RAB38: variants seen among roughly 807,000 people sequenced by gnomAD.
RAB38 encodes the protein ras-related protein Rab-38.
RAB38 carries 15 observed loss-of-function variants against 18.4 expected under a neutral mutation model. The ratio of observed to expected loss-of-function variants is 0.82; its 90% CI spans 0.55 to 1.26. RAB38 has a LOEUF of 1.26. RAB38 is among the 50% of genes most tolerant of loss of function. The pLI is 0.00. For synonymous variants in RAB38, 101 were observed against 104.4 expected (o/e 0.97, Z 0.20); for missense variants, 294 against 267.4 (o/e 1.10, Z -0.69).
the RAB38 span, among the ~76,000 whole-genome samples, chr11:87,977,753 A>ATATATTATATTATAGT: frequency 6.0e-5 from 5 of 82,684 alleles, no homozygotes; most frequent in African/African-American, 2.3e-4. Flanking sequence ...TCTATAATAT[A>ATATATTATATTATAGT]TATATATTAT....
the RAB38 span, among the ~76,000 whole-genome samples, chr11:87,941,516 C>G: frequency 6.6e-6 from 1 of 151,928 alleles, no homozygotes; most frequent in Non-Finnish European, 1.5e-5. Context: ...TACCCCTCTA[C>G]TTGATTCTCT....
At chr11:87,868,230 A>G in the RAB38 span, among the ~76,000 whole-genome samples, 1 of 151,496 alleles carries the variant, frequency 6.6e-6, no homozygotes, top group Non-Finnish European at 1.5e-5. Flanking sequence ...GTGAGTTCTC[A>G]TTCTATTGGT....
At chr11:87,969,393 C>T in the RAB38 span, among the ~76,000 whole-genome samples, 1 of 152,000 alleles carries the variant, frequency 6.6e-6, no homozygotes, top group Non-Finnish European at 1.5e-5. Flanking sequence ...TAAATTATCA[C>T]GATGAAGGTG....
At chr11:87,859,608 A>G in the RAB38 span, among the ~76,000 whole-genome samples, 1 of 152,012 alleles carries the variant, frequency 6.6e-6, no homozygotes, top group Non-Finnish European at 1.5e-5. Context: ...CATTAGTAAG[A>G]TATCTTTTGG....
chr11:88,150,903 T>C (rs1943055661), intron 1 of RAB38, among the ~76,000 whole-genome samples: 1 of 152,170 alleles, frequency 6.6e-6, no homozygotes, highest in Non-Finnish European at 1.5e-5. Context: ...GGACATCTAT[T>C]ATATCGATGC....
the RAB38 span, among the ~76,000 whole-genome samples, chr11:87,909,663 T>C: frequency 6.6e-6 from 1 of 152,058 alleles, no homozygotes; most frequent in Non-Finnish European, 1.5e-5. Flanking sequence ...TACCCCTACT[T>C]TACCCAGCAT....
chr11:88,109,026 C>A (rs899496764), downstream of RAB38, among the ~76,000 whole-genome samples: 3 of 152,104 alleles, frequency 2.0e-5, no homozygotes, highest in Non-Finnish European at 4.4e-5. Context: ...TGATGGGTTT[C>A]CCTCTGTGGG....
chr11:87,808,864 C>A, the RAB38 span, among the ~76,000 whole-genome samples: 1 of 151,928 alleles, frequency 6.6e-6, no homozygotes, highest in Non-Finnish European at 1.5e-5. Context: ...TATTCTAATT[C>A]CTTTGCATTT....
the RAB38 span, among the ~76,000 whole-genome samples, chr11:88,028,116 CAG>C: frequency 6.6e-6 from 1 of 152,212 alleles, no homozygotes; most frequent in South Asian, 2.1e-4. Flanking sequence ...CCCACGCAAA[CAG>C]GGTCTGGAGT....
At chr11:87,882,980 G>A in the RAB38 span, among the ~76,000 whole-genome samples, 1 of 151,846 alleles carries the variant, frequency 6.6e-6, no homozygotes, top group Non-Finnish European at 1.5e-5. Context: ...TGTTCCAGAG[G>A]ATTCATTGAA....
the RAB38 span, among the ~76,000 whole-genome samples, chr11:87,964,643 A>G: frequency 6.6e-6 from 1 of 152,060 alleles, no homozygotes; most frequent in Admixed American, 6.5e-5. Flanking sequence ...CATCTTGCAT[A>G]TGGTATTACC....
chr11:87,845,340 CAA>C, the RAB38 span, among the ~76,000 whole-genome samples: 1 of 151,810 alleles, frequency 6.6e-6, no homozygotes, highest in Non-Finnish European at 1.5e-5. Context: ...ACATCAAAAA[CAA>C]AAGCCTCACA....
intron 2 of RAB38, among the ~76,000 whole-genome samples, chr11:88,138,216 C>T (rs188757544): frequency 1.6e-4 from 25 of 152,150 alleles, no homozygotes; most frequent in Admixed American, 7.2e-4. Context: ...ATCTCCAAGA[C>T]AAAACTAGTC....
the RAB38 span, among the ~76,000 whole-genome samples, chr11:88,049,114 C>A: frequency 6.6e-6 from 1 of 152,152 alleles, no homozygotes; most frequent in Non-Finnish European, 1.5e-5. Context: ...CCGCTTGAAG[C>A]AGCCCTGAGA....
chr11:88,175,275 T>A lies in RAB38; in HGVS notation c.110A>T (p.His37Leu). The change falls in exon 1 of 3, where the codon CAC (histidine) becomes CTC (leucine). Residue 37 changes from histidine to leucine, a missense_variant. Transcript: ENST00000243662. ...KRYVHQNFSS[H>L]YRATIGVDFA... ...GTCCACGCCGATTGTGGCCCGGTAG[T>A]GCGAAGAGAAGTTCTGGTGCACGTA... 6.2e-7 allele frequency: 1 copy of A among 1,614,156 alleles called. No homozygotes were observed. The highest frequency in any genetic ancestry group is 1.1e-5 in the South Asian group (1 of 91,082).
At chr11:88,047,214 C>T in the RAB38 span, among the ~76,000 whole-genome samples, 2 of 152,198 alleles carry the variant, frequency 1.3e-5, no homozygotes, top group South Asian at 2.1e-4. Flanking sequence ...GAGTCTCCCA[C>T]AATTACCATT....
At chr11:87,850,527 C>G in the RAB38 span, among the ~76,000 whole-genome samples, 1 of 152,050 alleles carries the variant, frequency 6.6e-6, no homozygotes, top group Admixed American at 6.6e-5. Context: ...GATGGGTACA[C>G]AAAACCCTTT....
the RAB38 span, among the ~76,000 whole-genome samples, chr11:88,043,893 T>C: frequency 0.026 from 3,971 of 152,302 alleles, 168 homozygotes; most frequent in African/African-American, 0.091. Flanking sequence ...GATCCACCTA[T>C]GACCTCTGGT....
At chr11:87,809,085 A>T in the RAB38 span, among the ~76,000 whole-genome samples, 3 of 152,122 alleles carry the variant, frequency 2.0e-5, no homozygotes, top group South Asian at 2.1e-4. Context: ...CAGAAAGCAC[A>T]TAATAAGATC....
Sources: gnomAD v4.1 joint callset for allele counts (sites outside exome capture counted in the v4.1 genomes callset) on GRCh38, gnomAD v4.1.1 for gene constraint, MANE v1.5 for transcripts, NCBI Gene and HGNC (gene_info 2026-07-23, HGNC 2026-07-21) for gene names.